Variants in PHF14 observed in about 807,000 individuals in gnomAD.
PHF14 encodes the protein PHD finger protein 14.
Under a neutral mutation model 117.9 loss-of-function variants are expected in PHF14, and 55 were observed. The ratio of observed to expected loss-of-function variants is 0.47; its 90% CI spans 0.38 to 0.58. PHF14 has a LOEUF of 0.58. Among genes scored for constraint, PHF14 ranks in the 20% least tolerant of loss-of-function variants. PHF14 has a pLI of 0.00. For synonymous variants in PHF14, 409 were observed against 368.6 expected (o/e 1.11, Z -1.26); for missense variants, 978 against 1,122.2 (o/e 0.87, Z 1.84).
At chr7:11,149,095 A>G (rs569246018) in intron 17 of PHF14, among the ~76,000 whole-genome samples, 2 of 152,212 alleles carry the variant, frequency 1.3e-5, no homozygotes, top group East Asian at 1.9e-4. Flanking sequence ...AGTCAAACCA[A>G]TAGTTAAGTG....
At chr7:11,060,686 ATGCAGGATC>A (rs1785193267) in intron 14 of PHF14, among the ~76,000 whole-genome samples, 1 of 152,208 alleles carries the variant, frequency 6.6e-6, no homozygotes, top group Admixed American at 6.5e-5. Flanking sequence ...AGAATTGTAG[ATGCAGGATC>A]TGCATTTAAA....
chr7:11,026,181 T>A (rs1783906142), intron 6 of PHF14, among the ~76,000 whole-genome samples: 1 of 150,442 alleles, frequency 6.6e-6, no homozygotes, highest in African/African-American at 2.4e-5. Flanking sequence ...ACCACCCCCA[T>A]CCGTCAGTGG....
chr7:11,022,759 C>A, intron 5 of PHF14, 109 bp from the exon 6 acceptor site: 1 of 512,000 alleles, frequency 2.0e-6, no homozygotes, highest in Non-Finnish European at 3.4e-6. Context: ...CATTTGATTA[C>A]AGAATTCTCT....
intron 17 of PHF14, among the ~76,000 whole-genome samples, chr7:11,149,437 T>TA (rs551572061): frequency 1.1e-4 from 16 of 150,950 alleles, no homozygotes; most frequent in South Asian, 2.1e-4. Flanking sequence ...ATCTACAGAC[T>TA]AAAAAAAAAT....
Position 11,103,986 on chromosome 7 carries a change from C to T in PHF14, c.2655-7364C>T, listed in dbSNP as rs186585391. On this transcript the variant is annotated intron_variant, in intron 16 of 17. Coordinates refer to ENST00000634607, the MANE Select transcript of PHF14 (RefSeq NM_001007157.2). ...CTTAAGGAAATGTTGGTAATTATTA[C>T]TGTTGCTGAACTCTGGCTGCTTTTA... The T allele has an allele frequency of 8.1e-6, 8 of 984,928 alleles. No individual in the cohort carries two copies. The East Asian group carries it at 9.1e-4, about 112-fold the overall frequency. 61.0% of individuals were successfully genotyped at this position (984,928 alleles called of 1,614,324 possible). A position where few individuals can be genotyped will look rare whatever the true frequency, so the allele number is the denominator to read the frequency against.
chr7:11,036,085 G>C (rs1265008244), intron 8 of PHF14, among the ~76,000 whole-genome samples: 1 of 152,086 alleles, frequency 6.6e-6, no homozygotes, highest in Non-Finnish European at 1.5e-5. Context: ...TTGTTCAAAG[G>C]ATTTAGTCAG....
chr7:11,104,064 C>G, intron 16 of PHF14: 1 of 984,596 alleles, frequency 1.0e-6, no homozygotes, highest in Non-Finnish European at 1.2e-6. Flanking sequence ...TCCATTAGAC[C>G]ATGGCCCTCT....
chr7:11,139,473 C>G (rs1187167193), intron 17 of PHF14, among the ~76,000 whole-genome samples: 2 of 152,148 alleles, frequency 1.3e-5, no homozygotes, highest in Non-Finnish European at 2.9e-5. Flanking sequence ...GGAACATAAT[C>G]AAGTTAGCCT....
At chr7:11,138,041 C>T (rs1583494504) in intron 17 of PHF14, among the ~76,000 whole-genome samples, 1 of 145,526 alleles carries the variant, frequency 6.9e-6, no homozygotes, top group Non-Finnish European at 1.5e-5. Flanking sequence ...AAAAATACTT[C>T]TTTTTTTTTT....
intron 16 of PHF14, among the ~76,000 whole-genome samples, chr7:11,069,171 G>T (rs897376282): frequency 6.6e-6 from 1 of 152,090 alleles, no homozygotes; most frequent in Non-Finnish European, 1.5e-5. Context: ...GAACAGCAGT[G>T]GGCAAGAGTC....
intron 14 of PHF14, among the ~76,000 whole-genome samples, chr7:11,060,289 A>G (rs1484934729): frequency 6.6e-6 from 1 of 152,140 alleles, no homozygotes; most frequent in Non-Finnish European, 1.5e-5. Context: ...TTATGTCATA[A>G]GCTTTGTGTT....
intron 4 of PHF14, among the ~76,000 whole-genome samples, chr7:11,008,758 G>A (rs538283514): frequency 3.3e-5 from 5 of 151,846 alleles, no homozygotes; most frequent in African/African-American, 1.2e-4. Flanking sequence ...TTTTTTGGCC[G>A]GGCGCGGTGG....
intron 9 of PHF14, 60 bp from the exon 10 acceptor site, chr7:11,036,925 T>G: frequency 8.7e-7 from 1 of 1,150,670 alleles, no homozygotes; most frequent in South Asian, 1.4e-5. Context: ...TATAGCTAGT[T>G]TCTTCCTATG....
intron 2 of PHF14, among the ~76,000 whole-genome samples, chr7:10,976,289 A>T (rs774870256): frequency 6.6e-6 from 1 of 152,046 alleles, no homozygotes; most frequent in Non-Finnish European, 1.5e-5. Flanking sequence ...TCTCCCATTT[A>T]GTTGGTTTGC....
chr7:11,129,852 A>C (rs1194483752), intron 17 of PHF14, among the ~76,000 whole-genome samples: 1 of 152,018 alleles, frequency 6.6e-6, no homozygotes, highest in East Asian at 1.9e-4. Flanking sequence ...TAAGAAGTAT[A>C]GGTAAGGTAC....
chr7:11,169,594 C>G lies in PHF14; in HGVS notation c.*104C>G. On this transcript the variant is annotated 3_prime_UTR_variant, in exon 18 of 18. Coordinates refer to ENST00000634607, the MANE Select transcript of PHF14 (RefSeq NM_001007157.2). The stretch of plus-strand genomic sequence containing the variant: ...TGTAAAATCTAATTTGCAAAATGTT[C>G]TCAATAAAGTCATTCAAAATGAAAT... 1 of 519,198 alleles carries G rather than the reference C, an allele frequency of 1.9e-6. No homozygotes were observed. Among genetic ancestry groups the G allele is most frequent in the Non-Finnish European group, 3.4e-6 (1 of 297,116 alleles). 32.2% of individuals were successfully genotyped at this position (519,198 alleles called of 1,614,324 possible).
chr7:11,074,158 C>G (rs557715713), intron 16 of PHF14, among the ~76,000 whole-genome samples: 81 of 152,144 alleles, frequency 5.3e-4, no homozygotes, highest in African/African-American at 1.8e-3. Flanking sequence ...CAAATGGTTG[C>G]TCCACAACCA....
intron 1 of PHF14, among the ~76,000 whole-genome samples, 187 bp downstream of exon 1, chr7:10,974,511 CTG>C (rs1781796143): frequency 6.6e-6 from 1 of 152,160 alleles, no homozygotes; most frequent in African/African-American, 2.4e-5. Context: ...TTTTTATTGA[CTG>C]TTACGATGTC....
chr7:11,103,108 A>T (rs1443735238), intron 16 of PHF14: 1 of 971,956 alleles, frequency 1.0e-6, no homozygotes, highest in African/African-American at 1.8e-5. Context: ...TGTTATTTCT[A>T]TTTATAATAT....
Sources: allele counts gnomAD v4.1 joint callset (sites outside exome capture counted in the v4.1 genomes callset), GRCh38; gene constraint gnomAD v4.1.1; transcripts MANE v1.5; gene names NCBI Gene and HGNC (gene_info 2026-07-23, HGNC 2026-07-21).